The following BCAR3 variants were observed in gnomAD, a reference collection of about 807,000 sequenced individuals.
BCAR3 encodes the protein BCAR3 adaptor protein, NSP family member, also known as breast cancer anti-estrogen resistance protein 3.
A neutral mutation model predicts 80.1 loss-of-function variants in BCAR3; 37 were observed. The ratio of observed to expected loss-of-function variants is 0.46; its 90% CI spans 0.36 to 0.61. The LOEUF is 0.61. Among genes scored for constraint, BCAR3 ranks in the 20% least tolerant of loss-of-function variants. The pLI is 0.00. For synonymous variants in BCAR3, 389 were observed against 418.9 expected (o/e 0.93, Z 0.87); for missense variants, 978 against 1,068.2 (o/e 0.92, Z 1.18).
At chr1:93,704,914 A>G (rs1649781347) in intron 3 of BCAR3, among the ~76,000 whole-genome samples, 1 of 152,378 alleles carries the variant, frequency 6.6e-6, no homozygotes, top group East Asian at 1.9e-4. Context: ...AGACAAAAGT[A>G]CACACACATT....
chr1:93,591,092 C>T (rs192480821), intron 4 of BCAR3, among the ~76,000 whole-genome samples: 1 of 139,864 alleles, frequency 7.1e-6, no homozygotes, highest in East Asian at 2.2e-4. Context: ...ATGTTTTCTA[C>T]AATCAATTTT....
At chr1:93,625,197 C>A (rs1211099773) in intron 3 of BCAR3, among the ~76,000 whole-genome samples, 1 of 152,154 alleles carries the variant, frequency 6.6e-6, no homozygotes, top group Admixed American at 6.5e-5. Context: ...GGTGACAGAG[C>A]AAGACTCCAT....
chr1:93,769,491 G>C (rs879513983), intron 2 of BCAR3, among the ~76,000 whole-genome samples: 9 of 151,006 alleles, frequency 6.0e-5, no homozygotes, highest in Non-Finnish European at 1.2e-4. Flanking sequence ...TCTTCTCTCT[G>C]ATTCCCCTTG....
At chr1:93,607,555 G>A (rs1185850695) in intron 3 of BCAR3, among the ~76,000 whole-genome samples, 2 of 151,446 alleles carry the variant, frequency 1.3e-5, no homozygotes, top group South Asian at 2.1e-4. Flanking sequence ...AGAGTCCAAC[G>A]CCCAAGCTCT....
At chr1:93,584,489 C>T (rs947485157) in intron 5 of BCAR3, among the ~76,000 whole-genome samples, 3 of 152,210 alleles carry the variant, frequency 2.0e-5, no homozygotes, top group Non-Finnish European at 2.9e-5. Context: ...AAATTACTTA[C>T]AGGCCCAGAG....
intron 2 of BCAR3, among the ~76,000 whole-genome samples, chr1:93,658,175 G>A (rs1289443268): frequency 2.6e-5 from 4 of 151,982 alleles, no homozygotes; most frequent in African/African-American, 4.8e-5. Context: ...TCCTGACCTC[G>A]TGATCCGCCC....
chr1:93,650,899 A>T (rs1676301675), intron 2 of BCAR3, among the ~76,000 whole-genome samples: 1 of 152,226 alleles, frequency 6.6e-6, no homozygotes, highest in Non-Finnish European at 1.5e-5. Flanking sequence ...GGATACAGTT[A>T]TCATAGATGC....
intron 3 of BCAR3, among the ~76,000 whole-genome samples, chr1:93,596,905 A>C (rs1404597243): frequency 3.3e-5 from 5 of 152,220 alleles, no homozygotes; most frequent in Non-Finnish European, 7.3e-5. Flanking sequence ...CTGTGGGCTC[A>C]GCCTCCAGAG....
In BCAR3 at chr1:93,562,408, C is replaced by T. The variant is rs1375093904; in HGVS notation, c.2311G>A (p.Asp771Asn). 3 of 1,613,692 alleles carry T rather than the reference C, an allele frequency of 1.9e-6. No homozygotes were observed. Among genetic ancestry groups the T allele is most frequent in the Non-Finnish European group, 2.5e-6 (3 of 1,179,814 alleles). The change falls in exon 12 of 12, where the codon GAT (aspartate) becomes AAT (asparagine). Residue 771 changes from aspartate (D) to asparagine (N), a missense_variant. By Grantham distance (23) the Asp-to-Asn change is conservative (BLOSUM62 1). Coordinates refer to ENST00000260502, the MANE Select transcript of BCAR3 (RefSeq NM_003567.4). ...TTGCAGATTTCATTCATTTCTTCAT[C>T]TGGTTGAAAACCTAATGAAACAAAA... ...AERILAGFQP[D>N]EEMNEICKTE...
intron 2 of BCAR3, among the ~76,000 whole-genome samples, chr1:93,737,859 C>T (rs1234175806): frequency 1.3e-5 from 2 of 151,994 alleles, no homozygotes; most frequent in Non-Finnish European, 2.9e-5. Context: ...TCAAGATGGG[C>T]TCTTGCTCTG....
intron 2 of BCAR3, among the ~76,000 whole-genome samples, chr1:93,782,375 C>A (rs1652793208): frequency 6.6e-6 from 1 of 152,150 alleles, no homozygotes; most frequent in Non-Finnish European, 1.5e-5. Flanking sequence ...GCAAATGAAA[C>A]CATCCAAGTA....
At chr1:93,629,375 C>T (rs980124338) in intron 3 of BCAR3, among the ~76,000 whole-genome samples, 3 of 152,202 alleles carry the variant, frequency 2.0e-5, no homozygotes, top group Non-Finnish European at 4.4e-5. Flanking sequence ...TTCTTGGTTA[C>T]CGGAGGTAAC....
chr1:93,636,552 G>GA lies in BCAR3; in HGVS notation c.357+5751dup, dbSNP rs537240776. On this transcript the variant is annotated intron_variant, in intron 3 of 11. Transcript: ENST00000260502. The stretch of plus-strand genomic sequence containing the variant: ...ACACTTGCCTATTCATGGCTAATTT[G>GA]AAAAAAAAAAACAAAAAAAACAGGC... Among the ~76,000 whole-genome samples the GA allele has an allele frequency of 7.5e-3, 1,038 of 137,570 alleles. 5 individuals carry two copies. The highest frequency in any genetic ancestry group is 0.016 in the African/African-American group (594 of 37,674). The allele number at this position is 137,570 out of a possible 152,430, so 90.3% of individuals were successfully genotyped here.
At chr1:93,644,853 T>C (rs560163568) in intron 2 of BCAR3, among the ~76,000 whole-genome samples, 157 of 152,336 alleles carry the variant, frequency 1.0e-3, no homozygotes, top group Admixed American at 2.4e-3. Flanking sequence ...TTTTGGTTGA[T>C]GGTCCTTAAT....
intron 2 of BCAR3, among the ~76,000 whole-genome samples, chr1:93,783,895 C>T (rs1340003389): frequency 1.3e-5 from 2 of 152,190 alleles, no homozygotes; most frequent in Non-Finnish European, 2.9e-5. Context: ...AATTAATAGA[C>T]ACTATGTGAT....
At chr1:93,613,441 T>G (rs1391927270) in intron 3 of BCAR3, among the ~76,000 whole-genome samples, 1 of 152,182 alleles carries the variant, frequency 6.6e-6, no homozygotes, top group East Asian at 1.9e-4. Context: ...CTGTACATTA[T>G]GTACATTATT....
chr1:93,620,566 T>C (rs561863339), intron 3 of BCAR3, among the ~76,000 whole-genome samples: 2 of 152,182 alleles, frequency 1.3e-5, no homozygotes, highest in South Asian at 4.2e-4. Context: ...CCTTTCCCAT[T>C]GCCTTGGGAC....
intron 2 of BCAR3, among the ~76,000 whole-genome samples, chr1:93,784,595 T>C (rs1652878022): frequency 6.6e-6 from 1 of 152,230 alleles, no homozygotes; most frequent in African/African-American, 2.4e-5. Context: ...GACTGTCCTT[T>C]CTGTGCAGGC....
chr1:93,637,437 G>A (rs548477925), intron 3 of BCAR3, among the ~76,000 whole-genome samples: 6 of 152,240 alleles, frequency 3.9e-5, no homozygotes, highest in Admixed American at 6.5e-5. Flanking sequence ...TTACAGACAT[G>A]AGCCATCGCA....
Sources: gnomAD v4.1 joint callset for allele counts (sites outside exome capture counted in the v4.1 genomes callset) on GRCh38, gnomAD v4.1.1 for gene constraint, MANE v1.5 for transcripts, NCBI Gene and HGNC (gene_info 2026-07-23, HGNC 2026-07-21) for gene names.